Variants in C8orf34 observed in about 807,000 individuals in gnomAD.
The protein encoded by C8orf34 is uncharacterized protein C8orf34.
C8orf34 carries 65 observed loss-of-function variants against 68.3 expected under a neutral mutation model. That is an observed-to-expected ratio of 0.95 (90% CI 0.78 to 1.17). C8orf34 has a LOEUF of 1.17. Ranked by LOEUF, C8orf34 falls within the 50% of genes most tolerant of loss-of-function variation. The probability of loss-of-function intolerance (pLI) is 0.00; values close to 1 mark genes in which losing one functional copy is unlikely to be tolerated. For synonymous variants in C8orf34, 244 were observed against 241.2 expected, an observed-to-expected ratio of 1.01 and a Z score of -0.11; for missense variants, 664 against 655.4, an observed-to-expected ratio of 1.01 and a Z score of -0.14.
chr8:68,812,917 G>A (rs1236769596), intron 12 of C8orf34, among the ~76,000 whole-genome samples: 1 of 152,158 alleles, frequency 6.6e-6, no homozygotes, highest in East Asian at 1.9e-4. Flanking sequence ...AAAACAGGAT[G>A]TGTTTAATGA....
chr8:68,346,835 C>A (rs1806305013), intron 1 of C8orf34, among the ~76,000 whole-genome samples: 1 of 151,932 alleles, frequency 6.6e-6, no homozygotes, highest in South Asian at 2.1e-4. Context: ...ATAGTTTATC[C>A]ATTTCCCTGC....
At chr8:68,361,072 T>C (rs995651689) in intron 1 of C8orf34, among the ~76,000 whole-genome samples, 1 of 152,128 alleles carries the variant, frequency 6.6e-6, no homozygotes, top group Non-Finnish European at 1.5e-5. Flanking sequence ...TTTTCTATAA[T>C]GTCCTAGAAA....
At chr8:68,346,646 A>C (rs1410508062) in intron 1 of C8orf34, among the ~76,000 whole-genome samples, 2 of 151,936 alleles carry the variant, frequency 1.3e-5, no homozygotes, top group Non-Finnish European at 2.9e-5. Context: ...TCTTTTTACT[A>C]TCTCCATATT....
intron 7 of C8orf34, among the ~76,000 whole-genome samples, chr8:68,603,384 C>T (rs1191993425): frequency 6.6e-6 from 1 of 152,028 alleles, no homozygotes; most frequent in Non-Finnish European, 1.5e-5. Flanking sequence ...TGAGATGCTC[C>T]TGACTATATT....
intron 5 of C8orf34, 105 bp downstream of exon 5, chr8:68,488,156 A>G (rs1813155821): frequency 1.3e-5 from 10 of 798,222 alleles, no homozygotes; most frequent in Non-Finnish European, 1.9e-5. Context: ...TTCAAGTATA[A>G]TTTATTTGGG....
intron 4 of C8orf34, among the ~76,000 whole-genome samples, chr8:68,475,017 A>G (rs1288148884): frequency 2.0e-5 from 3 of 152,182 alleles, no homozygotes; most frequent in Non-Finnish European, 2.9e-5. Context: ...CTTCAGAGAA[A>G]GTGCTCCAGG....
Position 68,700,168 on chromosome 8 carries a change from C to CA in C8orf34, c.1242-8819dup, listed in dbSNP as rs1043593730. Among the ~76,000 whole-genome samples, 17 of 151,902 alleles carry CA rather than the reference C, an allele frequency of 1.1e-4. 1 individual carries two copies. The highest frequency in any genetic ancestry group is 4.1e-4 in the African/African-American group (17 of 41,448). On this transcript the variant is annotated intron_variant, in intron 8 of 13. Transcript: ENST00000518698. ...TACCAAAAACCCAAAAACAAACAAA[C>CA]AAAAAAACTAGAAAAGAATATACTA... is the stretch of plus-strand genomic sequence containing the variant.
chr8:68,589,886 G>A (rs1817331342), intron 7 of C8orf34, among the ~76,000 whole-genome samples: 1 of 127,480 alleles, frequency 7.8e-6, no homozygotes, highest in Non-Finnish European at 1.6e-5. Context: ...AGGAAAGGAA[G>A]GAAGAAGAAG....
At chr8:68,575,376 C>T (rs1816871597) in intron 7 of C8orf34, among the ~76,000 whole-genome samples, 1 of 152,020 alleles carries the variant, frequency 6.6e-6, no homozygotes, top group South Asian at 2.1e-4. Flanking sequence ...GTTTATATTG[C>T]AACATTTAGC....
intron 8 of C8orf34, among the ~76,000 whole-genome samples, chr8:68,673,142 T>C (rs1445146780): frequency 6.6e-6 from 1 of 152,164 alleles, no homozygotes; most frequent in African/African-American, 2.4e-5. Flanking sequence ...GTACTCTCTG[T>C]GGGCCTTAGA....
At chr8:68,647,317 T>C (rs1171124427) in intron 8 of C8orf34, among the ~76,000 whole-genome samples, 1 of 152,082 alleles carries the variant, frequency 6.6e-6, no homozygotes, top group East Asian at 1.9e-4. Context: ...CCCGTGAGGA[T>C]GTAGAGAAAA....
At chr8:68,600,175 A>C (rs1046835557) in intron 7 of C8orf34, among the ~76,000 whole-genome samples, 2 of 152,106 alleles carry the variant, frequency 1.3e-5, no homozygotes, top group African/African-American at 4.8e-5. Flanking sequence ...ATTACAATAT[A>C]CATATGTAAT....
At chr8:68,342,974 G>A (rs1049017289) in intron 1 of C8orf34, among the ~76,000 whole-genome samples, 4 of 152,110 alleles carry the variant, frequency 2.6e-5, no homozygotes, top group Admixed American at 2.0e-4. Flanking sequence ...ATTGTGAAGA[G>A]GAAAAGAAGA....
chr8:68,411,956 C>G (rs7000104), intron 1 of C8orf34, among the ~76,000 whole-genome samples: 16,926 of 152,114 alleles, frequency 0.11, 2,176 homozygotes, highest in African/African-American at 0.31. Flanking sequence ...GTCATGAGGA[C>G]AGTGCCCAAA....
intron 7 of C8orf34, among the ~76,000 whole-genome samples, chr8:68,555,992 T>C (rs1586368285): frequency 6.6e-6 from 1 of 152,186 alleles, no homozygotes; most frequent in East Asian, 1.9e-4. Context: ...ACTTTTGTAT[T>C]TGAAATGGCA....
chr8:68,481,579 C>T (rs111957724), intron 4 of C8orf34, among the ~76,000 whole-genome samples: 165 of 152,304 alleles, frequency 1.1e-3, no homozygotes, highest in African/African-American at 2.6e-3. Context: ...GCCACAGGGG[C>T]GGGGCTGCCT....
intron 1 of C8orf34, 176 bp downstream of exon 1, chr8:68,331,515 A>G: frequency 1.4e-6 from 1 of 733,376 alleles, no homozygotes; most frequent in Non-Finnish European, 2.3e-6. Context: ...GGTGTCCTGG[A>G]ACGCGGCCGG....
chr8:68,784,213 A>G (rs1357009614), intron 11 of C8orf34, among the ~76,000 whole-genome samples: 1 of 152,200 alleles, frequency 6.6e-6, no homozygotes, highest in East Asian at 1.9e-4. Context: ...TAAAGACCGC[A>G]ATGGCTATCA....
chr8:68,774,354 A>ATATAT (rs1344573894), intron 10 of C8orf34, among the ~76,000 whole-genome samples: 17 of 111,338 alleles, frequency 1.5e-4, no homozygotes, highest in African/African-American at 8.9e-4. Context: ...TATATAAAAT[A>ATATAT]AACAAAAAAA....
Sources: gnomAD v4.1 joint callset for allele counts (sites outside exome capture counted in the v4.1 genomes callset) on GRCh38, gnomAD v4.1.1 for gene constraint, MANE v1.5 for transcripts, NCBI Gene and HGNC (gene_info 2026-07-23, HGNC 2026-07-21) for gene names.